DYSF: variants seen among roughly 807,000 people sequenced by gnomAD.
The protein encoded by DYSF is dystrophy-associated fer-1-like 1.
Under a neutral mutation model 274.9 loss-of-function variants are expected in DYSF, and 212 were observed. The observed-to-expected ratio is 0.77, with a 90% CI of 0.69 to 0.86. The LOEUF is 0.86. Among genes scored for constraint, DYSF ranks in the 40% least tolerant of loss-of-function variants. The pLI, the probability that DYSF is intolerant of heterozygous loss-of-function variation, is 0.00. For missense variants in DYSF, 2,666 were observed against 2,783.2 expected, an observed-to-expected ratio of 0.96 and a Z score of 0.95; for synonymous variants, 1,091 against 1,078.7, an observed-to-expected ratio of 1.01 and a Z score of -0.22.
chr2:71,496,720 C>T (rs75117826), intron 3 of DYSF, among the ~76,000 whole-genome samples: 4,185 of 152,050 alleles, frequency 0.028, 108 homozygotes, highest in Non-Finnish European at 0.034. Context: ...GAGTCCTTTA[C>T]CATCTCCAGG....
chr2:71,485,710 A>T (rs529777685), intron 3 of DYSF, among the ~76,000 whole-genome samples: 1 of 152,240 alleles, frequency 6.6e-6, no homozygotes, highest in African/African-American at 2.4e-5. Flanking sequence ...AAATTCCAAA[A>T]GTGTAAAAAG....
intron 17 of DYSF, among the ~76,000 whole-genome samples, chr2:71,543,054 C>T (rs11893747): frequency 0.036 from 5,391 of 151,546 alleles, 139 homozygotes; most frequent in Middle Eastern, 0.07. Context: ...GGCTGCCCCC[C>T]ACCTCCCGGA....
intron 43 of DYSF, among the ~76,000 whole-genome samples, chr2:71,658,545 A>C (rs2094817863): frequency 6.6e-6 from 1 of 152,220 alleles, no homozygotes; most frequent in Admixed American, 6.5e-5. Context: ...AAAGAGGTTT[A>C]ATTGAACTTA....
Position 71,516,142 on chromosome 2 carries a change from C to T in DYSF, c.889-38C>T, listed in dbSNP as rs1437606660. ...CCCTCTCCCTGGCCTGAGGGATCAG[C>T]AGGCACTGATATGTCTCTCTTTGCT... On this transcript the variant is annotated intron_variant, in intron 8 of 55. Coordinates refer to ENST00000410020, the MANE Select transcript of DYSF (RefSeq NM_001130987.2). The T allele has an allele frequency of 3.8e-6, 6 of 1,598,116 alleles. No homozygotes were observed. The Admixed American group carries it at 1.0e-4, about 27-fold the overall frequency.
chr2:71,587,658 AATT>A (rs2093116688), intron 30 of DYSF, among the ~76,000 whole-genome samples: 1 of 152,170 alleles, frequency 6.6e-6, no homozygotes, highest in Non-Finnish European at 1.5e-5. Flanking sequence ...AATTATCCCA[AATT>A]TATAAAGTGA....
intron 16 of DYSF, among the ~76,000 whole-genome samples, chr2:71,538,365 A>G (rs1170966677): frequency 6.6e-6 from 1 of 152,094 alleles, no homozygotes; most frequent in Non-Finnish European, 1.5e-5. Context: ...AACCTCCTTG[A>G]GCTCCTGGCC....
chr2:71,539,700 A>G (rs1364834763), intron 17 of DYSF, among the ~76,000 whole-genome samples: 2 of 152,236 alleles, frequency 1.3e-5, no homozygotes, highest in Non-Finnish European at 2.9e-5. Flanking sequence ...AAGAACTATT[A>G]GCACTCCGAG....
At chr2:71,506,255 C>A (rs2085461364) in intron 4 of DYSF, among the ~76,000 whole-genome samples, 1 of 152,172 alleles carries the variant, frequency 6.6e-6, no homozygotes, top group African/African-American at 2.4e-5. Flanking sequence ...GACCACATAA[C>A]CTGGAGGAGG....
chr2:71,608,074 G>A (rs141957699), intron 36 of DYSF, among the ~76,000 whole-genome samples: 256 of 152,140 alleles, frequency 1.7e-3, no homozygotes, highest in Non-Finnish European at 3.2e-3. Context: ...TGCTGCTGAG[G>A]GGGTGAGAGA....
chr2:71,523,337 A>G (rs1438704743), intron 12 of DYSF, among the ~76,000 whole-genome samples: 1 of 152,190 alleles, frequency 6.6e-6, no homozygotes, highest in Non-Finnish European at 1.5e-5. Context: ...ACTTAGTCAC[A>G]TGGCCACATC....
In DYSF at chr2:71,568,299, G is replaced by A. The variant is rs1391991361; in HGVS notation, c.2825G>A (p.Trp942Ter). Reference protein sequence around the residue: ...PKDSFRPSAGWTWAGDWFVCP... With the variant: ...PKDSFRPSAG The stretch of plus-strand genomic sequence containing the variant: ...GACAGCTTCCGCCCCTCGGCCGGCT[G>A]GACCTGGGCTGGAGATTGGTTCGTG... The change falls in exon 26 of 56, where the codon TGG becomes TAG. Residue 942 changes from tryptophan (W) to a stop codon, truncating the protein, a stop_gained. Coordinates refer to ENST00000410020, the MANE Select transcript of DYSF (RefSeq NM_001130987.2). LOFTEE classifies it high-confidence loss of function. The A allele has an allele frequency of 6.2e-7, 1 of 1,614,128 alleles. No homozygotes were observed. The highest frequency in any genetic ancestry group is 1.3e-5 in the African/African-American group (1 of 74,938).
At chr2:71,650,817 C>G (rs1272819308) in intron 42 of DYSF, among the ~76,000 whole-genome samples, 1 of 152,260 alleles carries the variant, frequency 6.6e-6, no homozygotes. Context: ...AAGCACAGAA[C>G]ATCTAGGAAA....
Position 71,505,677 on chromosome 2 carries a change from C to G in DYSF, c.345+2358C>G, listed in dbSNP as rs57013453. Among the ~76,000 whole-genome samples the G allele has an allele frequency of 3.3e-3, 503 of 152,328 alleles. 5 individuals carry two copies. Among genetic ancestry groups the G allele is most frequent in the African/African-American group, 0.012 (479 of 41,574 alleles). ...GCTAGGTTGATGGGGAAAACACTCC[C>G]CCAGTCCTGGAGGAACCTCCAGGCC... On this transcript the variant is annotated intron_variant, in intron 4 of 55. Transcript: ENST00000410020.
In DYSF at chr2:71,480,870, G is replaced by T. The variant is rs773206877; in HGVS notation, c.92-13G>T. The T allele has an allele frequency of 6.8e-6, 11 of 1,612,978 alleles. No homozygotes were observed. Among genetic ancestry groups the T allele is most frequent in the Non-Finnish European group, 7.6e-6 (9 of 1,179,036 alleles). ...GATGTGTCTCTCCATTCTCCCTTTT[G>T]TGTCTCTTGTAGGGGTGAAGAAGAG... On this transcript the variant is annotated splice_polypyrimidine_tract_variant and intron_variant, in intron 1 of 55. Transcript: ENST00000410020.
chr2:71,578,726 G>A (rs1291426896), intron 30 of DYSF, among the ~76,000 whole-genome samples: 1 of 152,116 alleles, frequency 6.6e-6, no homozygotes, highest in Non-Finnish European at 1.5e-5. Flanking sequence ...CTTGCCTCCT[G>A]CCACCTTTTC....
chr2:71,618,435 GTGTGTGT>G (rs2093986528), intron 40 of DYSF, among the ~76,000 whole-genome samples: 105 of 130,074 alleles, frequency 8.1e-4, no homozygotes, highest in African/African-American at 1.3e-3. Flanking sequence ...TAGAGGTGGG[GTGTGTGT>G]GGTAGAGGTG....
chr2:71,560,417 G>GCCCCAGCACAGGGCCCCGGCCCAGGCCCC (rs56170138), intron 22 of DYSF, among the ~76,000 whole-genome samples: 1 of 138,786 alleles, frequency 7.2e-6, no homozygotes. Context: ...TCCCAGGCAG[G>GCCCCAGCACAGGGCCCCGGCCCAGGCCCC]CCCCCGCCCC....
Position 71,568,321 on chromosome 2 carries a change from C to T in DYSF, c.2847C>T (p.Phe949=), listed in dbSNP as rs146006518. The part of the protein sequence containing the change: ...SAGWTWAGDW[F]VCPEKTLLHD... ...GCTGGACCTGGGCTGGAGATTGGTT[C>T]GTGTGTCCGGAGAAGACGTGAGTCG... Residue 949 remains phenylalanine (F), a synonymous_variant, in exon 26 of 56, where the codon TTC becomes TTT. Transcript: ENST00000410020. 31 of 1,613,968 alleles carry T rather than the reference C, an allele frequency of 1.9e-5. No individual in the cohort carries two copies. Among genetic ancestry groups the T allele is most frequent in the African/African-American group, 5.3e-5 (4 of 74,918 alleles).
chr2:71,542,487 G>A (rs149529448), intron 17 of DYSF, among the ~76,000 whole-genome samples: 16,650 of 151,866 alleles, frequency 0.11, 1,002 homozygotes, highest in African/African-American at 0.13. Flanking sequence ...AGTGAACAAA[G>A]GTCTCTGGTT....
Sources: allele counts gnomAD v4.1 joint callset (sites outside exome capture counted in the v4.1 genomes callset), GRCh38; gene constraint gnomAD v4.1.1; transcripts MANE v1.5; gene names NCBI Gene and HGNC (gene_info 2026-07-23, HGNC 2026-07-21).